LINGO2: variants seen among roughly 807,000 people sequenced by gnomAD.
LINGO2 encodes leucine rich repeat and Ig domain containing 2, also known as leucine-rich repeat and immunoglobulin-like domain-containing nogo receptor-interacting protein 2.
Under a neutral mutation model 30.6 loss-of-function variants are expected in LINGO2, and 14 were observed. That is an observed-to-expected ratio of 0.46 (90% CI 0.30 to 0.72). LINGO2 has a LOEUF of 0.72. Among genes scored for constraint, LINGO2 ranks in the 30% least tolerant of loss-of-function variants. The probability of loss-of-function intolerance (pLI) is 0.07; values close to 1 mark genes in which losing one functional copy is unlikely to be tolerated. For synonymous variants in LINGO2, 317 were observed against 288.5 expected (o/e 1.10, Z -1.00); for missense variants, 729 against 751.7 (o/e 0.97, Z 0.35).
At chr9:28,752,357 A>G in the LINGO2 span, among the ~76,000 whole-genome samples, 1 of 152,064 alleles carries the variant, frequency 6.6e-6, no homozygotes, top group Non-Finnish European at 1.5e-5. Flanking sequence ...CCGGAGAGAT[A>G]TAACTCTGTA....
intron 4 of LINGO2, among the ~76,000 whole-genome samples, chr9:28,257,058 T>C (rs1358044469): frequency 1.3e-5 from 2 of 151,752 alleles, no homozygotes; most frequent in Non-Finnish European, 3.0e-5. Context: ...TTAACTTTTA[T>C]GTAATCAATC....
the LINGO2 span, among the ~76,000 whole-genome samples, chr9:29,042,456 G>A: frequency 3.3e-5 from 5 of 151,864 alleles, no homozygotes; most frequent in Non-Finnish European, 5.9e-5. Context: ...TCCTTCAGTG[G>A]GTGAATGGTT....
chr9:28,185,132 A>G (rs1819497719), intron 4 of LINGO2, among the ~76,000 whole-genome samples: 1 of 152,192 alleles, frequency 6.6e-6, no homozygotes, highest in Non-Finnish European at 1.5e-5. Context: ...GAACATTATT[A>G]CTTTGGTTTA....
At chr9:29,081,590 G>T in the LINGO2 span, among the ~76,000 whole-genome samples, 1 of 152,072 alleles carries the variant, frequency 6.6e-6, no homozygotes, top group African/African-American at 2.4e-5. Context: ...AGGGGAATCA[G>T]GCAGGAGAAG....
chr9:28,309,256 A>C (rs942810873), intron 3 of LINGO2, among the ~76,000 whole-genome samples: 1 of 152,198 alleles, frequency 6.6e-6, no homozygotes, highest in Non-Finnish European at 1.5e-5. Flanking sequence ...GCAGCCATAA[A>C]AAATGATGAG....
chr9:28,235,129 G>T (rs1821514223), intron 4 of LINGO2, among the ~76,000 whole-genome samples: 1 of 152,046 alleles, frequency 6.6e-6, no homozygotes, highest in South Asian at 2.1e-4. Flanking sequence ...TGGCCACAAG[G>T]GTGCTTACAT....
At chr9:29,050,222 C>T in the LINGO2 span, among the ~76,000 whole-genome samples, 1 of 152,102 alleles carries the variant, frequency 6.6e-6, no homozygotes, top group Non-Finnish European at 1.5e-5. Context: ...GATGGGGTTT[C>T]ACCATGTTGG....
intron 3 of LINGO2, among the ~76,000 whole-genome samples, chr9:28,309,774 A>G (rs1824536225): frequency 6.6e-6 from 1 of 151,912 alleles, no homozygotes; most frequent in African/African-American, 2.4e-5. Context: ...TACATAAAAA[A>G]CTCGTGTAAA....
chr9:28,633,914 A>G (rs1178011369), intron 1 of LINGO2, among the ~76,000 whole-genome samples: 3 of 152,070 alleles, frequency 2.0e-5, no homozygotes, highest in Non-Finnish European at 4.4e-5. Context: ...ATAGGCACAC[A>G]CTCCAAAGAG....
chr9:29,132,576 C>G, the LINGO2 span, among the ~76,000 whole-genome samples: 1 of 152,102 alleles, frequency 6.6e-6, no homozygotes, highest in Non-Finnish European at 1.5e-5. Flanking sequence ...ATAAAGTAAC[C>G]AGCGTTCTTG....
At chr9:28,644,564 T>G (rs1035368679) in intron 1 of LINGO2, among the ~76,000 whole-genome samples, 3 of 148,186 alleles carry the variant, frequency 2.0e-5, no homozygotes. Context: ...GAGGTGGGAA[T>G]GGTTAATGGG....
chr9:28,858,923 G>T, the LINGO2 span, among the ~76,000 whole-genome samples: 1 of 151,896 alleles, frequency 6.6e-6, no homozygotes, highest in Non-Finnish European at 1.5e-5. Context: ...CCCCTTGCGT[G>T]TTGCAAAGCC....
chr9:28,793,401 T>A, the LINGO2 span, among the ~76,000 whole-genome samples: 1 of 152,220 alleles, frequency 6.6e-6, no homozygotes, highest in Non-Finnish European at 1.5e-5. Context: ...CTGCGCAATC[T>A]GTCTCTCAGT....
the LINGO2 span, among the ~76,000 whole-genome samples, chr9:28,760,199 T>A: frequency 6.6e-6 from 1 of 152,098 alleles, no homozygotes; most frequent in Non-Finnish European, 1.5e-5. Flanking sequence ...AGCAAACATT[T>A]GAATAATTAT....
At chr9:28,546,587 G>A (rs1233360837) in intron 1 of LINGO2, among the ~76,000 whole-genome samples, 1 of 152,034 alleles carries the variant, frequency 6.6e-6, no homozygotes, top group Non-Finnish European at 1.5e-5. Context: ...TTTCATTACA[G>A]CCAGCTCCTA....
At chr9:28,197,235 T>C (rs1051372036) in intron 4 of LINGO2, among the ~76,000 whole-genome samples, 1 of 151,878 alleles carries the variant, frequency 6.6e-6, no homozygotes, top group Non-Finnish European at 1.5e-5. Context: ...AAGATTAAAA[T>C]GATAAAAATA....
chr9:28,673,105 A>G (rs17781882), upstream of LINGO2, among the ~76,000 whole-genome samples: 15,619 of 152,178 alleles, frequency 0.1, 1,015 homozygotes, highest in East Asian at 0.2. Flanking sequence ...GGTATTTTTT[A>G]AAGGGGAGTT....
intron 1 of LINGO2, among the ~76,000 whole-genome samples, chr9:28,547,899 T>C (rs1170173289): frequency 6.6e-6 from 1 of 152,152 alleles, no homozygotes. Context: ...TCTAAGTTGT[T>C]ATACAAATTT....
intron 1 of LINGO2, among the ~76,000 whole-genome samples, chr9:28,664,176 G>C (rs1472322317): frequency 1.3e-5 from 2 of 152,050 alleles, no homozygotes; most frequent in East Asian, 3.9e-4. Context: ...ATAAAATAAT[G>C]CTAGGGATAA....
Sources: allele counts gnomAD v4.1 joint callset (sites outside exome capture counted in the v4.1 genomes callset), GRCh38; gene constraint gnomAD v4.1.1; transcripts MANE v1.5; gene names NCBI Gene and HGNC (gene_info 2026-07-23, HGNC 2026-07-21).